CAB39L: variants seen among roughly 807,000 people sequenced by gnomAD.
CAB39L encodes the protein calcium-binding protein 39-like.
Under a neutral mutation model 39.1 loss-of-function variants are expected in CAB39L, and 23 were observed. That is an observed-to-expected ratio of 0.59 (90% CI 0.42 to 0.83). The LOEUF (loss-of-function observed/expected upper bound fraction) is 0.83, where lower values mean the gene tolerates loss of function less well. CAB39L is among the 40% of genes least tolerant of loss of function. The pLI is 0.00. For synonymous variants in CAB39L, 126 were observed against 137.2 expected (o/e 0.92, Z 0.57); for missense variants, 366 against 391.9 (o/e 0.93, Z 0.56).
At chr13:49,381,207 C>T (rs1258605384) in intron 4 of CAB39L, among the ~76,000 whole-genome samples, 4 of 152,174 alleles carry the variant, frequency 2.6e-5, no homozygotes, top group South Asian at 2.1e-4. Flanking sequence ...GGATTACAGG[C>T]GTGAGCCACT....
At chr13:49,365,885 G>A (rs1368919541) in intron 5 of CAB39L, among the ~76,000 whole-genome samples, 2 of 152,062 alleles carry the variant, frequency 1.3e-5, no homozygotes, top group Non-Finnish European at 2.9e-5. Flanking sequence ...GCCAAGATTT[G>A]GAAACAACCT....
At chr13:49,389,357 C>T (rs1956438646) in intron 3 of CAB39L, among the ~76,000 whole-genome samples, 1 of 152,134 alleles carries the variant, frequency 6.6e-6, no homozygotes, top group Non-Finnish European at 1.5e-5. Flanking sequence ...AAATGTAGTA[C>T]AGGCTGGGTG....
intron 3 of CAB39L, among the ~76,000 whole-genome samples, chr13:49,402,910 T>C (rs1159078676): frequency 6.6e-6 from 1 of 152,092 alleles, no homozygotes; most frequent in Non-Finnish European, 1.5e-5. Flanking sequence ...TTTAAAGAGA[T>C]GTTAAATGGA....
At chr13:49,317,225 A>AG (rs1954183293) in intron 10 of CAB39L, among the ~76,000 whole-genome samples, 1 of 152,188 alleles carries the variant, frequency 6.6e-6, no homozygotes, top group Admixed American at 6.5e-5. Context: ...ACACCTTTTC[A>AG]TGATAAAAAC....
intron 7 of CAB39L, among the ~76,000 whole-genome samples, chr13:49,346,649 C>T (rs995497762): frequency 1.3e-5 from 2 of 152,082 alleles, no homozygotes; most frequent in Non-Finnish European, 2.9e-5. Context: ...CGACAGCTGC[C>T]GTTTAGAGGG....
intron 7 of CAB39L, 94 bp downstream of exon 7, chr13:49,350,650 A>T (rs374079974): frequency 5.6e-6 from 5 of 896,562 alleles, no homozygotes; most frequent in Non-Finnish European, 8.3e-6. Flanking sequence ...CTGAGGCCTA[A>T]GAAGTAAAAT....
chr13:49,355,719 T>C (rs897173072), intron 6 of CAB39L, among the ~76,000 whole-genome samples: 10 of 151,964 alleles, frequency 6.6e-5, no homozygotes, highest in African/African-American at 2.4e-4. Flanking sequence ...TTAAATCCAT[T>C]AGTTCATCAG....
At chr13:49,406,213 G>A (rs1157833695) in intron 3 of CAB39L, among the ~76,000 whole-genome samples, 1 of 150,462 alleles carries the variant, frequency 6.6e-6, no homozygotes, top group Admixed American at 6.6e-5. Context: ...TGTCACCCAG[G>A]CTGGAGTGCA....
At chr13:49,387,557 C>G (rs963911558) in intron 3 of CAB39L, among the ~76,000 whole-genome samples, 1 of 152,148 alleles carries the variant, frequency 6.6e-6, no homozygotes, top group South Asian at 2.1e-4. Flanking sequence ...GACAATGGCC[C>G]TGTTATACTT....
At chr13:49,351,037 T>G in intron 6 of CAB39L, 125 bp from the exon 7 acceptor site, 1 of 623,540 alleles carries the variant, frequency 1.6e-6, no homozygotes, top group Non-Finnish European at 2.5e-6. Context: ...TCACGATTCA[T>G]TCAATATCCA....
intron 8 of CAB39L, among the ~76,000 whole-genome samples, chr13:49,341,776 G>A (rs1243402426): frequency 1.3e-5 from 2 of 152,094 alleles, no homozygotes; most frequent in Non-Finnish European, 2.9e-5. Context: ...TTGAGGTGAC[G>A]GGCATCCTGA....
chr13:49,402,802 A>G (rs1956801370), intron 3 of CAB39L, among the ~76,000 whole-genome samples: 1 of 152,200 alleles, frequency 6.6e-6, no homozygotes, highest in Non-Finnish European at 1.5e-5. Context: ...GTTATTTCTT[A>G]GCACCTATTA....
chr13:49,334,239 G>A (rs1454054521), intron 9 of CAB39L, among the ~76,000 whole-genome samples: 2 of 152,138 alleles, frequency 1.3e-5, no homozygotes, highest in East Asian at 3.9e-4. Context: ...TGCACATTTT[G>A]TCAAAGAAAT....
chr13:49,440,172 T>C (rs1330212516), intron 1 of CAB39L, among the ~76,000 whole-genome samples: 1 of 152,158 alleles, frequency 6.6e-6, no homozygotes, highest in South Asian at 2.1e-4. Context: ...ATGTCCAGAA[T>C]GTTTCCTAGA....
chr13:49,321,906 T>C (rs1306882198), intron 10 of CAB39L, among the ~76,000 whole-genome samples: 1 of 152,218 alleles, frequency 6.6e-6, no homozygotes, highest in Non-Finnish European at 1.5e-5. Flanking sequence ...TTCAAGCCTG[T>C]AGGCAGTTTT....
chr13:49,313,952 G>C (rs1023405887), intron 10 of CAB39L, among the ~76,000 whole-genome samples: 3 of 152,214 alleles, frequency 2.0e-5, no homozygotes, highest in African/African-American at 4.8e-5. Flanking sequence ...GAGTACCAAT[G>C]TGGAGAATAC....
chr13:49,321,259 T>C (rs1035678825), intron 10 of CAB39L, among the ~76,000 whole-genome samples: 2 of 152,252 alleles, frequency 1.3e-5, no homozygotes, highest in African/African-American at 4.8e-5. Context: ...TAAACAAAAC[T>C]GGGCTTGCAT....
At chr13:49,330,392 A>C (rs1244877000) in intron 10 of CAB39L, among the ~76,000 whole-genome samples, 1 of 152,186 alleles carries the variant, frequency 6.6e-6, no homozygotes, top group African/African-American at 2.4e-5. Flanking sequence ...TTAGAGGCTG[A>C]GGCAGGAAGA....
At chr13:49,350,933 A>G (rs1955330293) in intron 6 of CAB39L, 21 bp from the exon 7 acceptor site, 1 of 1,544,390 alleles carries the variant, frequency 6.5e-7, no homozygotes. Flanking sequence ...AACAAGAGAG[A>G]AATAGAGAAC....
Sources: allele counts gnomAD v4.1 joint callset (sites outside exome capture counted in the v4.1 genomes callset), GRCh38; gene constraint gnomAD v4.1.1; transcripts MANE v1.5; gene names NCBI Gene and HGNC (gene_info 2026-07-23, HGNC 2026-07-21).